The following MAMDC2 variants were observed in gnomAD, a reference collection of about 807,000 sequenced individuals.
MAMDC2 encodes the protein MAM domain containing 2.
In MAMDC2, 57 loss-of-function variants were observed where a neutral mutation model predicts 89.8. That is an observed-to-expected ratio of 0.63 (90% CI 0.51 to 0.79). The LOEUF (loss-of-function observed/expected upper bound fraction) is 0.79, where lower values mean the gene tolerates loss of function less well. Ranked by LOEUF, MAMDC2 falls within the 30% of genes least tolerant of loss-of-function variation. The pLI, the probability that MAMDC2 is intolerant of heterozygous loss-of-function variation, is 0.00. For synonymous variants in MAMDC2, 313 were observed against 293.4 expected (o/e 1.07, Z -0.68); for missense variants, 800 against 820.6 (o/e 0.97, Z 0.31).
intron 11 of MAMDC2, among the ~76,000 whole-genome samples, chr9:70,179,124 C>T (rs2032575554): frequency 6.6e-6 from 1 of 151,872 alleles, no homozygotes; most frequent in Non-Finnish European, 1.5e-5. Flanking sequence ...TTGTAAAAAA[C>T]GTATTTACTT....
At chr9:70,225,626 C>T in intron 12 of MAMDC2, 124 bp from the exon 13 acceptor site, 1 of 536,672 alleles carries the variant, frequency 1.9e-6, no homozygotes, top group South Asian at 3.6e-5. Flanking sequence ...ATTTGGTATC[C>T]TTTTCCTTAA....
chr9:70,146,806 G>T (rs1442741759), intron 9 of MAMDC2, among the ~76,000 whole-genome samples: 1 of 151,048 alleles, frequency 6.6e-6, no homozygotes, highest in Non-Finnish European at 1.5e-5. Flanking sequence ...ATGGTGGCAC[G>T]TGCCTGTAAT....
At chr9:70,198,087 T>C (rs1178452857) in intron 11 of MAMDC2, among the ~76,000 whole-genome samples, 1 of 151,700 alleles carries the variant, frequency 6.6e-6, no homozygotes, top group Non-Finnish European at 1.5e-5. Context: ...TGTTTATCTC[T>C]TACTGTTCCT....
intron 2 of MAMDC2, among the ~76,000 whole-genome samples, chr9:70,069,484 CT>C (rs1587442269): frequency 1.3e-5 from 2 of 152,156 alleles, no homozygotes; most frequent in Non-Finnish European, 2.9e-5. Flanking sequence ...ATTGTAAACA[CT>C]TTATAGACGA....
Position 70,163,952 on chromosome 9 carries a change from C to CAA in MAMDC2, c.1405-4729_1405-4728dup, listed in dbSNP as rs34029718. On this transcript the variant is annotated intron_variant, in intron 9 of 13. Coordinates refer to ENST00000377182, the MANE Select transcript of MAMDC2 (RefSeq NM_153267.5). ...CTGGGCACAGAGTGAGACTCTGTCTCAAAAAAAAAAAAAAAAAAAAAATCC... is the reference window on the plus strand; with the variant it reads ...CTGGGCACAGAGTGAGACTCTGTCTCAAAAAAAAAAAAAAAAAAAAAAAATCC... Among the ~76,000 whole-genome samples the CAA allele has an allele frequency of 8.3e-3, 580 of 69,744 alleles. 7 individuals are homozygous for CAA. Among genetic ancestry groups the CAA allele is most frequent in the African/African-American group, 0.014 (228 of 16,016 alleles). 45.8% of individuals were successfully genotyped at this position (69,744 alleles called of 152,430 possible).
chr9:70,172,756 C>T (rs76219769), intron 11 of MAMDC2: 10,563 of 153,014 alleles, frequency 0.069, 575 homozygotes, highest in East Asian at 0.22. Context: ...AATGTTGCTT[C>T]GGTAAAGGAT....
intron 2 of MAMDC2, among the ~76,000 whole-genome samples, chr9:70,067,191 C>CAA (rs1441432612): frequency 7.6e-4 from 115 of 152,226 alleles, no homozygotes; most frequent in African/African-American, 2.7e-3. Context: ...GTCTAGTATC[C>CAA]AGAAAAAGGC....
intron 5 of MAMDC2, among the ~76,000 whole-genome samples, chr9:70,123,293 T>C (rs2030370960): frequency 6.6e-6 from 1 of 150,870 alleles, no homozygotes; most frequent in Non-Finnish European, 1.5e-5. Context: ...TAACTGGTCA[T>C]AGGCATTCTC....
intron 12 of MAMDC2, among the ~76,000 whole-genome samples, chr9:70,220,181 T>G (rs941160267): frequency 1.3e-5 from 2 of 152,198 alleles, no homozygotes; most frequent in African/African-American, 4.8e-5. Context: ...GCTCTAAGAT[T>G]TGAGTTCTGG....
At chr9:70,222,380 G>C (rs1295518700) in intron 12 of MAMDC2, among the ~76,000 whole-genome samples, 1 of 152,176 alleles carries the variant, frequency 6.6e-6, no homozygotes, top group Non-Finnish European at 1.5e-5. Context: ...TCAGGGAAGA[G>C]AACACAGTTA....
Position 70,143,782 on chromosome 9 carries a change from A to C in MAMDC2, c.1367A>C (p.Gln456Pro). Residue 456 changes from glutamine to proline, a missense_variant, in exon 9 of 14, where the codon CAA becomes CCA. Coordinates refer to ENST00000377182, the MANE Select transcript of MAMDC2 (RefSeq NM_153267.5). ...VLESPRGVWM[Q>P]AEITFKKPMP... ...GAGTCCCCAAGGGGTGTTTGGATGCAAGCTGAAATCACCTTTAAGAAGCCC... is the reference window on the plus strand; with the variant it reads ...GAGTCCCCAAGGGGTGTTTGGATGCCAGCTGAAATCACCTTTAAGAAGCCC... 1 of 1,614,186 alleles carries C rather than the reference A, an allele frequency of 6.2e-7. No individual in the cohort carries two copies. The highest frequency in any genetic ancestry group is 2.2e-5 in the East Asian group (1 of 44,882).
At chr9:70,080,588 G>T (rs3015175) in intron 2 of MAMDC2, among the ~76,000 whole-genome samples, 27,992 of 152,014 alleles carry the variant, frequency 0.18, 3,584 homozygotes, top group African/African-American at 0.36. Flanking sequence ...GCAGTGGTGG[G>T]GTTTGCAGGG....
rs1207083319 is a variant in MAMDC2 at position 70,126,244 on chromosome 9, G to A, written c.729G>A (p.Met243Ile). Residue 243 changes from methionine (M) to isoleucine (I), a missense_variant, in exon 6 of 14, where the codon ATG becomes ATA. By Grantham distance (10) the Met-to-Ile change is conservative (BLOSUM62 1). Coordinates refer to ENST00000377182, the MANE Select transcript of MAMDC2 (RefSeq NM_153267.5). ...QLISPLTTAP[M>I]AGCLSFYYQI... ...TCTCCCCGTTGACCACGGCCCCCAT[G>A]GCTGGCTGCCTGTCATTTTATTACC... is the stretch of plus-strand genomic sequence containing the variant. 2 of 1,614,080 alleles carry A rather than the reference G, an allele frequency of 1.2e-6. No homozygotes were observed. Among genetic ancestry groups the A allele is most frequent in the East Asian group, 2.2e-5 (1 of 44,868 alleles).
chr9:70,199,346 C>T (rs2033048569), intron 11 of MAMDC2, among the ~76,000 whole-genome samples: 1 of 147,380 alleles, frequency 6.8e-6, no homozygotes, highest in African/African-American at 2.5e-5. Flanking sequence ...TGATGATTTC[C>T]AATTTCATCC....
intron 11 of MAMDC2, among the ~76,000 whole-genome samples, chr9:70,175,417 A>G (rs776498308): frequency 1.4e-4 from 21 of 152,178 alleles, no homozygotes; most frequent in Non-Finnish European, 2.8e-4. Context: ...TAGCCTGATA[A>G]AACCTTGCTT....
chr9:70,102,124 A>G (rs3015193), intron 2 of MAMDC2, among the ~76,000 whole-genome samples: 9,711 of 152,090 alleles, frequency 0.064, 973 homozygotes, highest in African/African-American at 0.21. Context: ...GGTTGTTTTT[A>G]GTTGGTTTGT....
chr9:70,044,264 C>A, intron 1 of MAMDC2, 33 bp downstream of exon 1: 1 of 1,607,786 alleles, frequency 6.2e-7, no homozygotes, highest in Non-Finnish European at 8.5e-7. Flanking sequence ...ACCCCGGGGG[C>A]GCTCTGACGA....
chr9:70,131,403 G>C (rs1489821268), intron 6 of MAMDC2, 116 bp from the exon 7 acceptor site: 4 of 677,460 alleles, frequency 5.9e-6, no homozygotes, highest in Non-Finnish European at 1.0e-5. Context: ...GATTCCATGA[G>C]TCCTTGTAAC....
At chr9:70,215,678 G>A (rs781733350) in intron 11 of MAMDC2, among the ~76,000 whole-genome samples, 2 of 152,186 alleles carry the variant, frequency 1.3e-5, no homozygotes, top group Non-Finnish European at 2.9e-5. Context: ...TTGTTAACAG[G>A]CAACCTGAAG....
Sources: gnomAD v4.1 joint callset for allele counts (sites outside exome capture counted in the v4.1 genomes callset) on GRCh38, gnomAD v4.1.1 for gene constraint, MANE v1.5 for transcripts, NCBI Gene and HGNC (gene_info 2026-07-23, HGNC 2026-07-21) for gene names.